Variants in ZNF300 observed in about 807,000 individuals in gnomAD.
The protein encoded by ZNF300 is kruppel-like zinc finger protein.
Under a neutral mutation model 13.9 loss-of-function variants are expected in ZNF300, and 6 were observed. That is an observed-to-expected ratio of 0.43 (90% confidence interval 0.24 to 0.85). The LOEUF (loss-of-function observed/expected upper bound fraction) is 0.85. Ranked by LOEUF, ZNF300 falls within the 40% of genes least tolerant of loss-of-function variation. The probability of loss-of-function intolerance (pLI) is 0.25; values close to 1 mark genes in which losing one functional copy is unlikely to be tolerated. For missense variants in ZNF300, 662 were observed against 714.2 expected, an observed-to-expected ratio of 0.93 and a Z score of 0.83; for synonymous variants, 237 against 242.2, an observed-to-expected ratio of 0.98 and a Z score of 0.20.
Position 150,896,951 on chromosome 5 carries a change from GT to G in ZNF300, c.287del (p.Asn96ThrfsTer17). ...CTGTCCCCAAAATACATGACTGGGA[GT>G]TGTGAAGGTTACTCTTCCTGTCTAA... ...GRQDRKSNLH[N>X]SQSCILGTVS... On this transcript the variant is annotated frameshift_variant, in exon 6 of 6. Transcript: ENST00000274599. LOFTEE classifies it low-confidence loss of function (END_TRUNC). 6.2e-7 allele frequency: 1 copy of G among 1,611,238 alleles called. No homozygotes were observed. The highest frequency in any genetic ancestry group is 8.5e-7 in the Non-Finnish European group (1 of 1,178,720).
Position 150,898,468 on chromosome 5 carries a change from C to A in ZNF300, c.102G>T (p.Arg34Ser), listed in dbSNP as rs572813532. The stretch of plus-strand genomic sequence containing the variant: ...GGCTGTAGTTCTCCAGCATCACATC[C>A]CTGTACAGGGTCCTCTGAGAAGGGT... The part of the protein sequence containing the change: ...QLDPSQRTLY[R>S]DVMLENYSHL... The change falls in exon 4 of 6, where the codon AGG becomes AGT. Residue 34 changes from arginine to serine, a missense_variant. Coordinates refer to ENST00000274599, the MANE Select transcript of ZNF300 (RefSeq NM_052860.4). 1 of 1,613,268 alleles carries A rather than the reference C, an allele frequency of 6.2e-7. No individual in the cohort carries two copies. Among genetic ancestry groups the A allele is most frequent in the South Asian group, 1.1e-5 (1 of 91,066 alleles).
At chr5:150,903,271 C>T (rs1755046254) in intron 2 of ZNF300, 89 bp from the exon 3 acceptor site, 3 of 1,607,438 alleles carry the variant, frequency 1.9e-6, no homozygotes, top group Non-Finnish European at 2.6e-6. Context: ...CAACAACTAA[C>T]ATCAGAAGTC....
chr5:150,902,519 C>A (rs1361264053), intron 3 of ZNF300, among the ~76,000 whole-genome samples: 1 of 152,176 alleles, frequency 6.6e-6, no homozygotes, highest in South Asian at 2.1e-4. Flanking sequence ...GCAGGCCATA[C>A]GGTTTCTGTT....
At chr5:150,898,371 A>G in intron 4 of ZNF300, 57 bp downstream of exon 4, 1 of 1,612,708 alleles carries the variant, frequency 6.2e-7, no homozygotes, top group Non-Finnish European at 8.5e-7. Flanking sequence ...CACAGCAACT[A>G]GTAAGGAAAG....
chr5:150,903,407 T>G lies in ZNF300; in HGVS notation c.-27-225A>C, dbSNP rs115050844. The G allele has an allele frequency of 8.4e-4, 1,273 of 1,508,694 alleles. 12 individuals carry two copies. In the African/African-American group the frequency reaches 0.015, roughly 18 times the overall value. 93.5% of individuals were successfully genotyped at this position (1,508,694 alleles called of 1,614,324 possible). A position where few individuals can be genotyped will look rare whatever the true frequency, so the allele number is the denominator to read the frequency against. On this transcript the variant is annotated intron_variant, in intron 2 of 5. Coordinates refer to ENST00000274599, the MANE Select transcript of ZNF300 (RefSeq NM_052860.4). ...ACCTATAATATGATCACATAGAAGT[T>G]GACCAAGGTTTTATAATTGGATAGA...
chr5:150,899,095 T>C (rs919791000), intron 3 of ZNF300, among the ~76,000 whole-genome samples: 3 of 151,830 alleles, frequency 2.0e-5, no homozygotes, highest in African/African-American at 7.3e-5. Flanking sequence ...AAAAAGAAGA[T>C]AGTTATAAAG....
chr5:150,899,932 G>A (rs1371055336), intron 3 of ZNF300, among the ~76,000 whole-genome samples: 1 of 151,952 alleles, frequency 6.6e-6, no homozygotes, highest in African/African-American at 2.4e-5. Context: ...AGCCTCCTTT[G>A]TTTTCTTCTT....
Position 150,894,822 on chromosome 5 carries a change from A to T in ZNF300, c.*602T>A, listed in dbSNP as rs1018286542. 6.6e-6 allele frequency: 1 copy of T among 152,302 alleles called. No individual in the cohort carries two copies. The highest frequency in any genetic ancestry group is 1.5e-5 in the Non-Finnish European group (1 of 68,012). 9.4% of individuals were successfully genotyped at this position (152,302 alleles called of 1,614,324 possible). On this transcript the variant is annotated 3_prime_UTR_variant, in exon 6 of 6. Transcript: ENST00000274599. ...CTCCAAGTTCCCAGTTGGGAAGAGTAAAAGGGAGACCTGCTCAAAATGCAT... is the reference window on the plus strand; with the variant it reads ...CTCCAAGTTCCCAGTTGGGAAGAGTTAAAGGGAGACCTGCTCAAAATGCAT...
intron 3 of ZNF300, among the ~76,000 whole-genome samples, chr5:150,898,784 A>C (rs4958426): frequency 0.086 from 13,070 of 152,060 alleles, 901 homozygotes; most frequent in East Asian, 0.39. Context: ...GCAGCATCCA[A>C]ATAACTGGGA....
chr5:150,895,761 T>C lies in ZNF300; in HGVS notation c.1478A>G (p.Tyr493Cys), dbSNP rs1754742038. The C allele has an allele frequency of 6.8e-6, 11 of 1,613,530 alleles. No homozygotes were observed. The highest frequency in any genetic ancestry group is 9.3e-6 in the Non-Finnish European group (11 of 1,179,838). ...HQRTHTGEKPYKCSECGKAFC... is the reference protein window; with the variant it reads ...HQRTHTGEKPCKCSECGKAFC... ...GGCTTTGCCACATTCACTACATTTA[T>C]AGGGTTTTTCTCCAGTATGTGTTCT... The change falls in exon 6 of 6, where the codon TAT becomes TGT. Residue 493 changes from tyrosine (Y) to cysteine (C), a missense_variant. Coordinates refer to ENST00000274599, the MANE Select transcript of ZNF300 (RefSeq NM_052860.4).
In ZNF300 at chr5:150,894,934, C is replaced by G. The variant is rs2113306398; in HGVS notation, c.*490G>C. 6.5e-6 allele frequency: 1 copy of G among 152,696 alleles called. No homozygotes were observed. Among genetic ancestry groups the G allele is most frequent in the South Asian group, 2.1e-4 (1 of 4,836 alleles). 9.5% of individuals were successfully genotyped at this position (152,696 alleles called of 1,614,324 possible). ...ACAGATCAACTTTACTGAATCTGAT[C>G]AACCTATCATTCCATTTTTTGTACA... On this transcript the variant is annotated 3_prime_UTR_variant, in exon 6 of 6. Coordinates refer to ENST00000274599, the MANE Select transcript of ZNF300 (RefSeq NM_052860.4).
chr5:150,900,911 AG>A (rs1359785327), intron 3 of ZNF300, among the ~76,000 whole-genome samples: 1 of 152,116 alleles, frequency 6.6e-6, no homozygotes, highest in African/African-American at 2.4e-5. Flanking sequence ...AATAATAAGT[AG>A]GTATAAATTT....
chr5:150,899,656 A>G (rs11743488), intron 3 of ZNF300, among the ~76,000 whole-genome samples: 15,268 of 152,080 alleles, frequency 0.1, 1,046 homozygotes, highest in East Asian at 0.39. Flanking sequence ...TAATGAAGAA[A>G]CCACAACAAA....
At chr5:150,903,295 G>A (rs762484074) in intron 2 of ZNF300, 113 bp from the exon 3 acceptor site, 2 of 1,590,618 alleles carry the variant, frequency 1.3e-6, no homozygotes, top group Non-Finnish European at 8.6e-7. Flanking sequence ...TAACTAATGG[G>A]CTACCCTGTG....
At position 150,898,076 on chromosome 5, in the gene ZNF300, G is replaced by T; in HGVS notation, c.251C>A (p.Ala84Glu). ...ATTTCACTTCCCTTGTCTCCCATCT[G>T]CCTGATATTCATCTGGATAGATCCA... ...SNWIYPDEYQ[A>E]DGRQDRKSNL... Residue 84 changes from alanine to glutamate, a missense_variant, in exon 5 of 6, where the codon GCA (alanine) becomes GAA (glutamate). By Grantham distance (107) the Ala-to-Glu change is moderately radical (BLOSUM62 -1). Coordinates refer to ENST00000274599, the MANE Select transcript of ZNF300 (RefSeq NM_052860.4). 6.2e-7 allele frequency: 1 copy of T among 1,610,954 alleles called. No individual in the cohort carries two copies. Among genetic ancestry groups the T allele is most frequent in the African/African-American group, 1.3e-5 (1 of 74,788 alleles).
chr5:150,902,170 T>C (rs1200966496), intron 3 of ZNF300, among the ~76,000 whole-genome samples: 2 of 152,122 alleles, frequency 1.3e-5, no homozygotes, highest in Admixed American at 1.3e-4. Context: ...TATATGCCAA[T>C]GCTGGCAGAA....
chr5:150,899,827 A>G (rs1754930521), intron 3 of ZNF300, among the ~76,000 whole-genome samples: 5 of 152,120 alleles, frequency 3.3e-5, no homozygotes, highest in African/African-American at 1.2e-4. Context: ...TTTTAAATAA[A>G]TTGTTCAGAC....
rs1305251327 is a variant in ZNF300 at position 150,895,917 on chromosome 5, T to C, written c.1322A>G (p.Gln441Arg). 2 of 1,613,552 alleles carry C rather than the reference T, an allele frequency of 1.2e-6. No homozygotes were observed. The highest frequency in any genetic ancestry group is 1.7e-4 in the Middle Eastern group (1 of 6,036). ...CTTCCTGCTGAAGGCTTCCTCACAT[T>C]GAGCACATTTGTAGGGTTTCTCACC... is the stretch of plus-strand genomic sequence containing the variant. ...HTGEKPYKCAQCEEAFSRKTE... is the reference protein window; with the variant it reads ...HTGEKPYKCARCEEAFSRKTE... Residue 441 changes from glutamine (Q) to arginine (R), a missense_variant, in exon 6 of 6, where the codon CAA (glutamine) becomes CGA (arginine). Gln to Arg is a conservative substitution (Grantham distance 43, BLOSUM62 1). Coordinates refer to ENST00000274599, the MANE Select transcript of ZNF300 (RefSeq NM_052860.4).
At position 150,895,348 on chromosome 5, in the gene ZNF300, A is replaced by C; in HGVS notation, c.*76T>G. ...TTTATCTATTGGGATGTTGTCCCCA[A>C]GCTTATCAAATTAATTGGGTTTCTA... is the stretch of plus-strand genomic sequence containing the variant. On this transcript the variant is annotated 3_prime_UTR_variant, in exon 6 of 6. Transcript: ENST00000274599. 2 of 1,206,914 alleles carry C rather than the reference A, an allele frequency of 1.7e-6. No individual in the cohort carries two copies. Among genetic ancestry groups the C allele is most frequent in the Non-Finnish European group, 2.3e-6 (2 of 883,660 alleles). 74.8% of individuals were successfully genotyped at this position (1,206,914 alleles called of 1,614,324 possible). A position where few individuals can be genotyped will look rare whatever the true frequency, so the allele number is the denominator to read the frequency against.
Sources: gnomAD v4.1 joint callset for allele counts (sites outside exome capture counted in the v4.1 genomes callset) on GRCh38, gnomAD v4.1.1 for gene constraint, MANE v1.5 for transcripts, NCBI Gene and HGNC (gene_info 2026-07-23, HGNC 2026-07-21) for gene names.